Variants in MGMT observed in about 807,000 individuals in gnomAD.
The protein encoded by MGMT is O-6-methylguanine-DNA methyltransferase, also known as methylated-DNA--protein-cysteine methyltransferase.
Under a neutral mutation model 15.9 loss-of-function variants are expected in MGMT, and 14 were observed. That is an observed-to-expected ratio of 0.88 (90% CI 0.58 to 1.37). The LOEUF (loss-of-function observed/expected upper bound fraction) is 1.37, where lower values mean the gene tolerates loss of function less well. Ranked by LOEUF, MGMT falls within the 40% of genes most tolerant of loss-of-function variation. The pLI is 0.00. For missense variants in MGMT, 282 were observed against 268.1 expected (o/e 1.05, Z -0.36); for synonymous variants, 130 against 118.2 (o/e 1.10, Z -0.65).
In MGMT at chr10:129,527,940, C is replaced by T. The variant is rs150424847; in HGVS notation, c.-12-8301C>T. ...GCACCTGCCTGCCTCAGTCTCTCCT[C>T]TCCTCCTCCTCTCCACCCAGAAAAC... On this transcript the variant is annotated intron_variant, in intron 1 of 4. Transcript: ENST00000651593. Among the ~76,000 whole-genome samples, 114 of 152,140 alleles carry T rather than the reference C, an allele frequency of 7.5e-4. 1 individual carries two copies. In the Middle Eastern group the frequency reaches 0.021, roughly 27 times the overall value.
chr10:129,597,172 C>T (rs568391460), intron 2 of MGMT, among the ~76,000 whole-genome samples: 16 of 152,278 alleles, frequency 1.1e-4, no homozygotes, highest in African/African-American at 3.1e-4. Context: ...AGGAAGTTCA[C>T]GTCCCAGGGT....
chr10:129,698,885 C>T (rs946365493), intron 2 of MGMT, among the ~76,000 whole-genome samples: 2 of 151,472 alleles, frequency 1.3e-5, no homozygotes, highest in African/African-American at 2.4e-5. Context: ...TGCTATTAAT[C>T]AACAGTCAGG....
intron 2 of MGMT, among the ~76,000 whole-genome samples, chr10:129,671,716 C>A (rs558829896): frequency 3.3e-5 from 5 of 152,220 alleles, no homozygotes; most frequent in Admixed American, 6.5e-5. Context: ...AGCCCCTCTT[C>A]CAGTGGTTAA....
rs1432068253 is a variant in MGMT at position 129,569,727 on chromosome 10, A to G, written c.125+33350A>G. Among the ~76,000 whole-genome samples, 8 of 152,246 alleles carry G rather than the reference A, an allele frequency of 5.3e-5. No homozygotes were observed. In the East Asian group the frequency reaches 1.6e-3, roughly 30 times the overall value. ...GTGCATCAGGGAGGATGCAGGAGGAACGGAAGATTGAGCCCGGGGAGTGCT... is the reference window on the plus strand; with the variant it reads ...GTGCATCAGGGAGGATGCAGGAGGAGCGGAAGATTGAGCCCGGGGAGTGCT... On this transcript the variant is annotated intron_variant, in intron 2 of 4. Transcript: ENST00000651593.
In MGMT at chr10:129,497,324, C is replaced by T. The variant is rs79079482; in HGVS notation, c.-13+30028C>T. ...TCTGTGCCTCCCCGGTCAGCTGGTC[C>T]GGCACTGCAGTCAGCAGCAAGGGCG... On this transcript the variant is annotated intron_variant, in intron 1 of 4. Transcript: ENST00000651593. Among the ~76,000 whole-genome samples, 699 of 152,246 alleles carry T rather than the reference C, an allele frequency of 4.6e-3. 2 individuals carry two copies. The highest frequency in any genetic ancestry group is 7.8e-3 in the Admixed American group (119 of 15,282).
Position 129,770,120 on chromosome 10 carries a change from C to G in MGMT, c.*3123C>G, listed in dbSNP as rs1364777077. 2.0e-5 allele frequency among the ~76,000 whole-genome samples: 3 copies of G among 152,190 alleles called. No homozygotes were observed. The highest frequency in any genetic ancestry group is 2.9e-5 in the Non-Finnish European group (2 of 68,044). On this transcript the variant is annotated 3_prime_UTR_variant, in exon 5 of 5. Transcript: ENST00000651593. ...TAAGCTTCTCTGGTGCGTCGCGCCC[C>G]ACGTGCTTCTCCAGAATCCCGTTTG...
At chr10:129,522,017 G>C (rs1423169072) in intron 1 of MGMT, among the ~76,000 whole-genome samples, 1 of 152,200 alleles carries the variant, frequency 6.6e-6, no homozygotes, top group Non-Finnish European at 1.5e-5. Flanking sequence ...AGGCAGCAAA[G>C]GGCCCTGTGT....
intron 2 of MGMT, chr10:129,537,011 G>T (rs1218474593): frequency 6.6e-6 from 1 of 152,206 alleles, no homozygotes; most frequent in Non-Finnish European, 1.5e-5. Context: ...TTTGTGAACA[G>T]CTCCCACTAT....
intron 1 of MGMT, among the ~76,000 whole-genome samples, chr10:129,525,944 C>T (rs904009386): frequency 6.6e-6 from 1 of 152,228 alleles, no homozygotes; most frequent in Non-Finnish European, 1.5e-5. Context: ...GATCCCTTCT[C>T]AGTTTGACAT....
At chr10:129,498,690 T>A (rs572805208) in intron 1 of MGMT, among the ~76,000 whole-genome samples, 3 of 152,298 alleles carry the variant, frequency 2.0e-5, no homozygotes, top group African/African-American at 7.2e-5. Context: ...AGCGCTTTCC[T>A]ACTTTCTGGG....
At chr10:129,500,834 AG>A (rs1845567720) in intron 1 of MGMT, among the ~76,000 whole-genome samples, 1 of 152,138 alleles carries the variant, frequency 6.6e-6, no homozygotes, top group Non-Finnish European at 1.5e-5. Context: ...TACAGACATG[AG>A]CCACCGCACG....
At chr10:129,570,817 C>G (rs745495926) in intron 2 of MGMT, among the ~76,000 whole-genome samples, 1 of 152,140 alleles carries the variant, frequency 6.6e-6, no homozygotes, top group Non-Finnish European at 1.5e-5. Flanking sequence ...TCCTTTAATA[C>G]TATAGACATT....
At chr10:129,624,200 G>C (rs1206986059) in intron 2 of MGMT, among the ~76,000 whole-genome samples, 2 of 152,200 alleles carry the variant, frequency 1.3e-5, no homozygotes, top group East Asian at 3.9e-4. Flanking sequence ...AGATTGACTG[G>C]GTTTGTGGAC....
In MGMT at chr10:129,659,536, G is replaced by A. The variant is rs1467159073; in HGVS notation, c.126-48359G>A. Among the ~76,000 whole-genome samples, 1 of 152,132 alleles carries A rather than the reference G, an allele frequency of 6.6e-6. No individual in the cohort carries two copies. The highest frequency in any genetic ancestry group is 1.5e-5 in the Non-Finnish European group (1 of 68,042). On this transcript the variant is annotated intron_variant, in intron 2 of 4. Coordinates refer to ENST00000651593, the MANE Select transcript of MGMT (RefSeq NM_002412.5). The surrounding 1 kb of genome is among the most constrained non-coding windows in gnomAD (Gnocchi z 4.1). ...CCTGCTCATGAGAACAGAAGTGAAA[G>A]TCACACAGCATGCATATTAGTTCCG...
intron 1 of MGMT, among the ~76,000 whole-genome samples, chr10:129,493,284 G>A (rs192803752): frequency 1.3e-5 from 2 of 152,116 alleles, no homozygotes; most frequent in Non-Finnish European, 2.9e-5. Context: ...CAGGGCCCTC[G>A]GGTTGTCAGG....
At chr10:129,728,289 G>A (rs1848456148) in intron 3 of MGMT, among the ~76,000 whole-genome samples, 2 of 152,060 alleles carry the variant, frequency 1.3e-5, no homozygotes, top group South Asian at 2.1e-4. Flanking sequence ...AGGGATTAGG[G>A]TCAGTGGCAT....
At chr10:129,480,516 T>C (rs55762655) in intron 1 of MGMT, among the ~76,000 whole-genome samples, 5 of 152,298 alleles carry the variant, frequency 3.3e-5, no homozygotes, top group Admixed American at 6.5e-5. Flanking sequence ...ACCTTTCTCC[T>C]TAGGAAAGTC....
At chr10:129,515,791 T>A (rs1207880117) in intron 1 of MGMT, among the ~76,000 whole-genome samples, 1 of 152,012 alleles carries the variant, frequency 6.6e-6, no homozygotes, top group Non-Finnish European at 1.5e-5. Flanking sequence ...TTAGCGGGAG[T>A]AATTACCCAT....
At chr10:129,696,432 T>A (rs921685915) in intron 2 of MGMT, among the ~76,000 whole-genome samples, 1 of 151,802 alleles carries the variant, frequency 6.6e-6, no homozygotes, top group Non-Finnish European at 1.5e-5. Flanking sequence ...TAAGCAAAAT[T>A]GGAAGTGATG....
Sources: gnomAD v4.1 joint callset for allele counts (sites outside exome capture counted in the v4.1 genomes callset) on GRCh38, gnomAD v4.1.1 for gene constraint, Gnocchi (gnomAD v3.1) non-coding constraint, MANE v1.5 for transcripts, NCBI Gene and HGNC (gene_info 2026-07-23, HGNC 2026-07-21) for gene names.